Variants in MACROD2 observed in about 807,000 individuals in gnomAD.
MACROD2 encodes the protein mono-ADP ribosylhydrolase 2, also known as ADP-ribose glycohydrolase MACROD2.
MACROD2 carries 36 observed loss-of-function variants against 70.4 expected under a neutral mutation model. That is an observed-to-expected ratio of 0.51 (90% confidence interval 0.39 to 0.68). The LOEUF (loss-of-function observed/expected upper bound fraction) is 0.68. Among genes scored for constraint, MACROD2 ranks in the 30% least tolerant of loss-of-function variants. The pLI, the probability that MACROD2 is intolerant of heterozygous loss-of-function variation, is 0.00. For missense variants in MACROD2, 496 were observed against 538.4 expected (o/e 0.92, Z 0.78); for synonymous variants, 172 against 178.8 (o/e 0.96, Z 0.30).
chr20:15,762,329 A>G lies in MACROD2; in HGVS notation c.646-100416A>G, dbSNP rs555524008. Among the ~76,000 whole-genome samples the G allele has an allele frequency of 4.6e-5, 7 of 152,324 alleles. No individual in the cohort carries two copies. The South Asian group carries it at 1.5e-3, about 32-fold the overall frequency. ...CATTGATTACTCCAGGGCCAGAGCT[A>G]GTAAGCATTTGAACTCAGGTCTGTC... On this transcript the variant is annotated intron_variant, in intron 8 of 17. Coordinates refer to ENST00000684519, the MANE Select transcript of MACROD2 (RefSeq NM_001351661.2).
intron 5 of MACROD2, among the ~76,000 whole-genome samples, chr20:14,919,369 T>C (rs764166974): frequency 6.6e-6 from 1 of 152,034 alleles, no homozygotes; most frequent in Non-Finnish European, 1.5e-5. Context: ...GTTTTCCCTT[T>C]ATTTATCACT....
intron 8 of MACROD2, among the ~76,000 whole-genome samples, chr20:15,805,188 A>G (rs2063757931): frequency 6.6e-6 from 1 of 152,186 alleles, no homozygotes; most frequent in African/African-American, 2.4e-5. Context: ...CCACAAAGGC[A>G]CAGTGTGGGT....
intron 15 of MACROD2, among the ~76,000 whole-genome samples, chr20:16,032,315 T>C (rs906188944): frequency 3.9e-5 from 6 of 152,032 alleles, no homozygotes; most frequent in African/African-American, 1.4e-4. Context: ...ACCACCAGGG[T>C]GACAGGATCC....
At chr20:15,286,188 G>T (rs1162530210) in intron 6 of MACROD2, among the ~76,000 whole-genome samples, 1 of 152,086 alleles carries the variant, frequency 6.6e-6, no homozygotes, top group East Asian at 1.9e-4. Flanking sequence ...TTTGAGAGGA[G>T]ATTATATGAG....
At chr20:15,137,660 GTAAC>G (rs1441214487) in intron 5 of MACROD2, among the ~76,000 whole-genome samples, 2 of 151,484 alleles carry the variant, frequency 1.3e-5, no homozygotes, top group East Asian at 1.9e-4. Flanking sequence ...GTATACATAT[GTAAC>G]TAACCTGCAC....
intron 8 of MACROD2, among the ~76,000 whole-genome samples, chr20:15,842,712 GGATA>G (rs60376874): frequency 5.2e-4 from 73 of 141,694 alleles, no homozygotes; most frequent in African/African-American, 1.4e-3. Flanking sequence ...GTGGGTGGAT[GGATA>G]GATAGATAGA....
intron 4 of MACROD2, among the ~76,000 whole-genome samples, chr20:14,551,266 A>G (rs1322126257): frequency 1.3e-5 from 2 of 152,206 alleles, no homozygotes; most frequent in African/African-American, 4.8e-5. Context: ...GTTGTAGAGT[A>G]TAGTGTAAAT....
chr20:15,251,182 A>T (rs1036406514), intron 6 of MACROD2, among the ~76,000 whole-genome samples: 2 of 152,220 alleles, frequency 1.3e-5, no homozygotes, highest in Non-Finnish European at 2.9e-5. Context: ...GGCTGAATGC[A>T]ACACAGAAAG....
rs78441551 is a variant in MACROD2, at chr20:15,283,875, C to T, written c.540+53814C>T. Among the ~76,000 whole-genome samples the T allele has an allele frequency of 1.0e-2, 1,518 of 152,070 alleles. 12 individuals are homozygous for T. The highest frequency in any genetic ancestry group is 0.017 in the Non-Finnish European group (1,173 of 67,988). The stretch of plus-strand genomic sequence containing the variant: ...AATAGGATAATAAACTCCCATATAC[C>T]CATTATATAGCTTCAACAATGGTCA... On this transcript the variant is annotated intron_variant, in intron 6 of 17. Coordinates refer to ENST00000684519, the MANE Select transcript of MACROD2 (RefSeq NM_001351661.2).
chr20:14,454,418 G>GTTTTTT (rs56799693), intron 3 of MACROD2, among the ~76,000 whole-genome samples: 1 of 145,720 alleles, frequency 6.9e-6, no homozygotes. Context: ...TTCCACATGA[G>GTTTTTT]TTTTTTTTTT....
chr20:14,395,108 G>A (rs1453482529), intron 3 of MACROD2, among the ~76,000 whole-genome samples: 28 of 152,032 alleles, frequency 1.8e-4, no homozygotes. Context: ...GGATACGTCA[G>A]GAAGTGTTCC....
intron 6 of MACROD2, among the ~76,000 whole-genome samples, chr20:15,354,466 A>G (rs1568743414): frequency 1.3e-5 from 2 of 152,304 alleles, no homozygotes; most frequent in East Asian, 1.9e-4. Flanking sequence ...AAACCTGCAC[A>G]TTGTGCACAT....
At chr20:15,078,170 A>G (rs1482121962) in intron 5 of MACROD2, among the ~76,000 whole-genome samples, 2 of 152,176 alleles carry the variant, frequency 1.3e-5, no homozygotes, top group African/African-American at 2.4e-5. Context: ...TGGAGCAGAA[A>G]ACAATCAGGG....
intron 3 of MACROD2, among the ~76,000 whole-genome samples, chr20:14,273,400 T>C (rs911846219): frequency 4.7e-5 from 7 of 149,298 alleles, no homozygotes; most frequent in Non-Finnish European, 5.9e-5. Flanking sequence ...GACTACTGGG[T>C]ACATAACGAA....
chr20:15,349,863 C>G (rs2078208867), intron 6 of MACROD2, among the ~76,000 whole-genome samples: 1 of 151,908 alleles, frequency 6.6e-6, no homozygotes, highest in Non-Finnish European at 1.5e-5. Flanking sequence ...TGTTTTCTTC[C>G]CCTGGAGGTT....
intron 5 of MACROD2, among the ~76,000 whole-genome samples, chr20:15,118,783 C>T (rs1287307555): frequency 6.6e-6 from 1 of 152,164 alleles, no homozygotes; most frequent in African/African-American, 2.4e-5. Context: ...ACAAAATTTA[C>T]TTTTTTAAAA....
chr20:14,927,116 A>G (rs1352441872), intron 5 of MACROD2, among the ~76,000 whole-genome samples: 1 of 152,088 alleles, frequency 6.6e-6, no homozygotes, highest in African/African-American at 2.4e-5. Flanking sequence ...CCTATTTACA[A>G]CTTCCTGAAA....
At chr20:14,189,993 G>A (rs1416196891) in intron 3 of MACROD2, among the ~76,000 whole-genome samples, 1 of 152,092 alleles carries the variant, frequency 6.6e-6, no homozygotes, top group African/African-American at 2.4e-5. Context: ...TCAAGAGGGC[G>A]CCATTAAGCA....
chr20:14,805,618 A>C (rs1029340131), intron 5 of MACROD2, among the ~76,000 whole-genome samples: 1 of 152,078 alleles, frequency 6.6e-6, no homozygotes, highest in Non-Finnish European at 1.5e-5. Context: ...GCTGGGGAGT[A>C]ACAGAGCCAG....
Sources: allele counts gnomAD v4.1 joint callset (sites outside exome capture counted in the v4.1 genomes callset), GRCh38; gene constraint gnomAD v4.1.1; transcripts MANE v1.5; gene names NCBI Gene and HGNC (gene_info 2026-07-23, HGNC 2026-07-21).